The following SPECC1 variants were observed in gnomAD, a reference collection of about 807,000 sequenced individuals.
SPECC1 encodes cytospin-B.
In SPECC1, 62 loss-of-function variants were observed where a neutral mutation model predicts 104.1. The ratio of observed to expected loss-of-function variants is 0.60; its 90% CI spans 0.49 to 0.74. The LOEUF (loss-of-function observed/expected upper bound fraction) is 0.74, where lower values mean the gene tolerates loss of function less well. Ranked by LOEUF, SPECC1 falls within the 30% of genes least tolerant of loss-of-function variation. The probability of loss-of-function intolerance (pLI) is 0.00; values close to 1 mark genes in which losing one functional copy is unlikely to be tolerated. For missense variants in SPECC1, 1,306 were observed against 1,310.5 expected (o/e 1.00, Z 0.05); for synonymous variants, 513 against 501.6 (o/e 1.02, Z -0.30).
chr17:20,277,627 G>T (rs2040616236), intron 12 of SPECC1, among the ~76,000 whole-genome samples: 1 of 152,072 alleles, frequency 6.6e-6, no homozygotes, highest in African/African-American at 2.4e-5. Flanking sequence ...CAGTTCAGGG[G>T]CATGAAGCAC....
At chr17:20,058,976 A>G (rs1016588364) in intron 1 of SPECC1, among the ~76,000 whole-genome samples, 1 of 150,534 alleles carries the variant, frequency 6.6e-6, no homozygotes, top group Non-Finnish European at 1.5e-5. Flanking sequence ...AGTAGCTGGG[A>G]CTACAGGTGC....
chr17:20,247,784 A>G (rs568101714), intron 9 of SPECC1, among the ~76,000 whole-genome samples: 182 of 152,342 alleles, frequency 1.2e-3, no homozygotes, highest in African/African-American at 4.1e-3. Context: ...ATTTTTGACC[A>G]CTTAAGGGGC....
chr17:20,179,263 C>T (rs1468776201), intron 3 of SPECC1, among the ~76,000 whole-genome samples: 1 of 152,258 alleles, frequency 6.6e-6, no homozygotes, highest in East Asian at 1.9e-4. Context: ...GACAGTGTAG[C>T]TTGCACCAGA....
chr17:20,094,809 A>G (rs1485735627), intron 1 of SPECC1, among the ~76,000 whole-genome samples: 5 of 152,146 alleles, frequency 3.3e-5, no homozygotes, highest in African/African-American at 1.2e-4. Flanking sequence ...TATGTTGCCC[A>G]GGCTGGTCTC....
At chr17:20,172,057 C>G (rs1204008360) in intron 3 of SPECC1, among the ~76,000 whole-genome samples, 1 of 152,206 alleles carries the variant, frequency 6.6e-6, no homozygotes, top group Non-Finnish European at 1.5e-5. Context: ...CCGCTGATGA[C>G]ATTATCTCAG....
At chr17:20,302,588 A>T (rs74255390) in intron 13 of SPECC1, among the ~76,000 whole-genome samples, 1 of 151,612 alleles carries the variant, frequency 6.6e-6, no homozygotes, top group Non-Finnish European at 1.5e-5. Context: ...TCTGTATTCT[A>T]TGTCACCCTG....
chr17:20,216,354 C>T (rs553395301), intron 4 of SPECC1, among the ~76,000 whole-genome samples: 56 of 152,288 alleles, frequency 3.7e-4, no homozygotes, highest in Non-Finnish European at 7.4e-5. Flanking sequence ...TGGTTAATGT[C>T]TAATCTAATT....
intron 10 of SPECC1, among the ~76,000 whole-genome samples, chr17:20,255,563 C>T (rs2039795468): frequency 1.3e-5 from 2 of 152,284 alleles, no homozygotes; most frequent in South Asian, 4.1e-4. Context: ...TGTGTAGAGA[C>T]ACCATTCTTT....
At chr17:20,104,755 A>G (rs1037862548) in intron 2 of SPECC1, among the ~76,000 whole-genome samples, 5 of 150,690 alleles carry the variant, frequency 3.3e-5, no homozygotes, top group Non-Finnish European at 5.9e-5. Flanking sequence ...AAAAAAAAAA[A>G]AAAAAAAAAA....
In SPECC1 at chr17:20,237,230, A is replaced by T. The variant is rs554274509; in HGVS notation, c.2351+4825A>T. 3.2e-6 allele frequency: 4 copies of T among 1,240,936 alleles called. No individual in the cohort carries two copies. The African/African-American group carries it at 4.5e-5, about 14-fold the overall frequency. The allele number at this position is 1,240,936 out of a possible 1,614,324, so 76.9% of individuals were successfully genotyped here. A position where few individuals can be genotyped will look rare whatever the true frequency, so the allele number is the denominator to read the frequency against. On this transcript the variant is annotated intron_variant, in intron 7 of 14. Transcript: ENST00000395527. ...GCAGCTGGAGTGCTGAAAAGGGCAC[A>T]GTGGCAGAGCAGATGCAGAGCTGGG...
At chr17:20,135,601 A>T (rs1224418143) in intron 3 of SPECC1, among the ~76,000 whole-genome samples, 1 of 152,124 alleles carries the variant, frequency 6.6e-6, no homozygotes, top group Non-Finnish European at 1.5e-5. Flanking sequence ...GACCACAGGC[A>T]TGCACCACCA....
intron 3 of SPECC1, among the ~76,000 whole-genome samples, chr17:20,154,056 A>G (rs903837313): frequency 1.3e-5 from 2 of 152,260 alleles, no homozygotes; most frequent in Admixed American, 6.5e-5. Flanking sequence ...GGCAGAAACC[A>G]ACTCATGGTA....
intron 1 of SPECC1, among the ~76,000 whole-genome samples, chr17:20,087,513 C>T (rs546788206): frequency 6.6e-6 from 1 of 152,044 alleles, no homozygotes; most frequent in Non-Finnish European, 1.5e-5. Context: ...TTTGTGCTTG[C>T]CCGTTAATTC....
intron 1 of SPECC1, among the ~76,000 whole-genome samples, chr17:20,042,593 G>A (rs1044037975): frequency 5.3e-5 from 8 of 152,154 alleles, no homozygotes; most frequent in African/African-American, 1.9e-4. Context: ...TGGGTACCTT[G>A]GTACGTCCTC....
intron 12 of SPECC1, among the ~76,000 whole-genome samples, chr17:20,279,748 A>T (rs77181158): frequency 6.6e-6 from 1 of 152,260 alleles, no homozygotes; most frequent in South Asian, 2.1e-4. Context: ...AGAGTCAGAA[A>T]GGGTTTAAAA....
At chr17:20,168,557 C>CTG (rs2033842898) in intron 3 of SPECC1, among the ~76,000 whole-genome samples, 1 of 152,134 alleles carries the variant, frequency 6.6e-6, no homozygotes, top group Admixed American at 6.5e-5. Flanking sequence ...CCATACAAGA[C>CTG]TGTATGACAC....
intron 3 of SPECC1, among the ~76,000 whole-genome samples, chr17:20,179,906 G>C (rs1164501903): frequency 6.6e-6 from 1 of 152,152 alleles, no homozygotes; most frequent in Non-Finnish European, 1.5e-5. Flanking sequence ...TACTGCCTTG[G>C]AACATCTAGG....
At chr17:20,183,691 C>T (rs1233211066) in intron 3 of SPECC1, among the ~76,000 whole-genome samples, 1 of 152,074 alleles carries the variant, frequency 6.6e-6, no homozygotes, top group African/African-American at 2.4e-5. Flanking sequence ...ATGTAAATGC[C>T]GTGTCATTTG....
chr17:20,189,012 G>A (rs2035472450), intron 3 of SPECC1, among the ~76,000 whole-genome samples: 4 of 152,142 alleles, frequency 2.6e-5, no homozygotes, highest in Admixed American at 2.0e-4. Context: ...TATAACTGAG[G>A]TACACCTGAG....
Sources: gnomAD v4.1 joint callset for allele counts (sites outside exome capture counted in the v4.1 genomes callset) on GRCh38, gnomAD v4.1.1 for gene constraint, MANE v1.5 for transcripts, NCBI Gene and HGNC (gene_info 2026-07-23, HGNC 2026-07-21) for gene names.